LRP2: variants seen among roughly 807,000 people sequenced by gnomAD.
LRP2 encodes the protein low-density lipoprotein receptor-related protein 2.
Under a neutral mutation model 531.0 loss-of-function variants are expected in LRP2, and 172 were observed. That is an observed-to-expected ratio of 0.32 (90% CI 0.29 to 0.37). The LOEUF (loss-of-function observed/expected upper bound fraction) is 0.37, where lower values mean the gene tolerates loss of function less well. LRP2 is among the 10% of genes least tolerant of loss of function. The pLI is 1.00. For missense variants in LRP2, 5,167 were observed against 5,868.3 expected (o/e 0.88, Z 3.90); for synonymous variants, 1,992 against 2,027.6 (o/e 0.98, Z 0.47).
chr2:169,248,533 C>G (rs1690104026), intron 19 of LRP2, among the ~76,000 whole-genome samples: 1 of 152,262 alleles, frequency 6.6e-6, no homozygotes, highest in Non-Finnish European at 1.5e-5. Context: ...TCAAGAAGAT[C>G]TAGCCCTTTA....
At chr2:169,362,224 C>A in intron 1 of LRP2, 97 bp downstream of exon 1, 10 of 1,111,424 alleles carry the variant, frequency 9.0e-6, no homozygotes, top group Non-Finnish European at 1.3e-5. Flanking sequence ...GGCCCTAGCC[C>A]CTGCCCGGAC....
intron 4 of LRP2, among the ~76,000 whole-genome samples, chr2:169,296,251 T>A (rs984005098): frequency 2.0e-5 from 3 of 152,190 alleles, no homozygotes; most frequent in African/African-American, 7.2e-5. Flanking sequence ...CAGAGTTACA[T>A]ATAGTCAATC....
intron 1 of LRP2, among the ~76,000 whole-genome samples, chr2:169,340,787 C>T (rs969321237): frequency 2.6e-5 from 4 of 152,164 alleles, no homozygotes; most frequent in Non-Finnish European, 5.9e-5. Flanking sequence ...AAAATCCTCT[C>T]TGCGACAGGA....
At position 169,294,551 on chromosome 2, in the gene LRP2, T is replaced by C. The variant is rs781450351; in HGVS notation, c.538+49A>G. 8 of 1,345,644 alleles carry C rather than the reference T, an allele frequency of 5.9e-6. No individual in the cohort carries two copies. The South Asian group carries it at 8.2e-5, about 14-fold the overall frequency. The allele number at this position is 1,345,644 out of a possible 1,614,324, so 83.4% of individuals were successfully genotyped here. A position where few individuals can be genotyped will look rare whatever the true frequency, so the allele number is the denominator to read the frequency against. ...GTACATATTGGCTCTCTCAAACCAG[T>C]ATAAACCAGCTTCAGCACACAACTG... On this transcript the variant is annotated intron_variant, in intron 5 of 78. Transcript: ENST00000649046.
At chr2:169,296,729 T>C (rs1318759464) in intron 4 of LRP2, among the ~76,000 whole-genome samples, 1 of 152,056 alleles carries the variant, frequency 6.6e-6, no homozygotes, top group Non-Finnish European at 1.5e-5. Flanking sequence ...GGATCTCTCG[T>C]TTTCTTCATC....
chr2:169,342,069 C>T (rs925753138), intron 1 of LRP2, among the ~76,000 whole-genome samples: 2 of 151,946 alleles, frequency 1.3e-5, no homozygotes, highest in Non-Finnish European at 2.9e-5. Flanking sequence ...TCAAAAAATG[C>T]TACTATATGT....
intron 31 of LRP2, among the ~76,000 whole-genome samples, chr2:169,228,118 T>G (rs1390686210): frequency 5.3e-5 from 8 of 152,130 alleles, no homozygotes; most frequent in Non-Finnish European, 1.2e-4. Flanking sequence ...CCTAATCTTG[T>G]TTGTTAGATA....
rs747623844 is a variant in LRP2, at chr2:169,206,123, G to C, written c.7456C>G (p.Leu2486Val). ...GCCATGGAATTAATCATCTGGTTGA[G>C]GTAGTCACTGTAATAAATTCTTCTA... ...ITRRIYYSDY[L>V]NQMINSMAED... Residue 2486 changes from leucine to valine, a missense_variant, in exon 40 of 79, where the codon CTC (leucine) becomes GTC (valine). Physicochemically the swap from Leu to Val is conservative, Grantham distance 32 (BLOSUM62 1). Coordinates refer to ENST00000649046, the MANE Select transcript of LRP2 (RefSeq NM_004525.3). 6.2e-7 allele frequency: 1 copy of C among 1,614,188 alleles called. No individual in the cohort carries two copies. Among genetic ancestry groups the C allele is most frequent in the East Asian group, 2.2e-5 (1 of 44,886 alleles).
At chr2:169,278,064 C>T in intron 12 of LRP2, 113 bp from the exon 13 acceptor site, 2 of 835,592 alleles carry the variant, frequency 2.4e-6, no homozygotes, top group South Asian at 1.5e-5. Flanking sequence ...GATTAGAGAA[C>T]CACAGTATAA....
rs34938969 is a variant in LRP2 at position 169,184,772 on chromosome 2, G to GTT, written c.9845+729_9845+730dup. Among the ~76,000 whole-genome samples the GTT allele has an allele frequency of 8.6e-5, 13 of 150,882 alleles. 1 individual carries two copies. Among genetic ancestry groups the GTT allele is most frequent in the Non-Finnish European group, 1.3e-4 (9 of 67,720 alleles). On this transcript the variant is annotated intron_variant, in intron 50 of 78. Coordinates refer to ENST00000649046, the MANE Select transcript of LRP2 (RefSeq NM_004525.3). The stretch of plus-strand genomic sequence containing the variant: ...TTGTTTTTTTTGTTTTGTTTGTTTT[G>GTT]TTTTTTTTGAGAAAGGGTCTCACTC...
rs375941769 is a variant in LRP2 at position 169,244,683 on chromosome 2, C to T, written c.3430+10G>A. On this transcript the variant is annotated intron_variant, in intron 22 of 78. Transcript: ENST00000649046. ...GCTGACCAACCAAGGGAAACCAGCT[C>T]AAAACTTACTGCAGTTCTTTTCATC... 3.7e-5 allele frequency: 60 copies of T among 1,614,206 alleles called. 1 individual carries two copies. In the Admixed American group the frequency reaches 9.2e-4, roughly 25 times the overall value.
intron 19 of LRP2, among the ~76,000 whole-genome samples, chr2:169,247,743 A>C (rs1690067818): frequency 6.6e-6 from 1 of 152,210 alleles, no homozygotes; most frequent in Admixed American, 6.5e-5. Flanking sequence ...AGGCAAGCAC[A>C]TATGGAGTTT....
intron 1 of LRP2, among the ~76,000 whole-genome samples, chr2:169,360,521 C>T (rs1369365932): frequency 6.6e-6 from 1 of 151,904 alleles, no homozygotes. Flanking sequence ...AATCATCAAC[C>T]CAGGAAAAAG....
rs972038525 is a variant in LRP2 at position 169,362,209 on chromosome 2, C to G, written c.79+112G>C. ...CCACCGGGAGCAGCTCCCGCGCCGC[C>G]GCCCGGCCCTAGCCCCTGCCCGGAC... On this transcript the variant is annotated intron_variant, in intron 1 of 78. Transcript: ENST00000649046. 5.5e-6 allele frequency: 5 copies of G among 909,590 alleles called. No individual in the cohort carries two copies. The African/African-American group carries it at 8.9e-5, about 16-fold the overall frequency. 56.3% of individuals were successfully genotyped at this position (909,590 alleles called of 1,614,324 possible). A position where few individuals can be genotyped will look rare whatever the true frequency, so the allele number is the denominator to read the frequency against.
At chr2:169,263,808 G>T (rs976680329) in intron 16 of LRP2, among the ~76,000 whole-genome samples, 4 of 151,958 alleles carry the variant, frequency 2.6e-5, no homozygotes, top group Non-Finnish European at 5.9e-5. Flanking sequence ...TATGTTTATT[G>T]CGGCACTATT....
At position 169,220,514 on chromosome 2, in the gene LRP2, T is replaced by C; in HGVS notation, c.5588A>G (p.Asn1863Ser). The C allele has an allele frequency of 6.2e-7, 1 of 1,613,616 alleles. No homozygotes were observed. Among genetic ancestry groups the C allele is most frequent in the Non-Finnish European group, 8.5e-7 (1 of 1,179,692 alleles). Residue 1863 changes from asparagine to serine, a missense_variant, in exon 34 of 79, where the codon AAT (asparagine) becomes AGT (serine). Physicochemically the swap from Asn to Ser is conservative, Grantham distance 46. This residue lies in a region of LRP2 where 2,811 missense variants were observed against 3,058.0 expected (regional missense o/e 0.92). Transcript: ENST00000649046. ...GCCAACTCCAAGAGCTGTCCCATCA[T>C]TGGCAATCAATGTTTTTCTGTATCT... is the stretch of plus-strand genomic sequence containing the variant. ...DIRYRKTLIA[N>S]DGTALGVGFP...
At chr2:169,176,701 C>A in intron 53 of LRP2, 113 bp from the exon 54 acceptor site, 4 of 892,764 alleles carry the variant, frequency 4.5e-6, no homozygotes, top group Non-Finnish European at 7.2e-6. Flanking sequence ...AAAAAAAAAA[C>A]TATCCTAGAT....
intron 33 of LRP2, among the ~76,000 whole-genome samples, chr2:169,222,422 C>G (rs575644613): frequency 2.0e-5 from 3 of 152,212 alleles, no homozygotes; most frequent in African/African-American, 7.2e-5. Flanking sequence ...CAGTGTTGTC[C>G]CCAGTCATAA....
chr2:169,334,863 A>G (rs1315725165), intron 1 of LRP2, among the ~76,000 whole-genome samples: 3 of 152,214 alleles, frequency 2.0e-5, no homozygotes, highest in Non-Finnish European at 4.4e-5. Context: ...AACCTCTGGC[A>G]CAATGCCTGA....
Sources: allele counts gnomAD v4.1 joint callset (sites outside exome capture counted in the v4.1 genomes callset), GRCh38; gene constraint gnomAD v4.1.1; regional missense constraint gnomAD v4.1.1; transcripts MANE v1.5; gene names NCBI Gene and HGNC (gene_info 2026-07-23, HGNC 2026-07-21).